APOL5: variants seen among roughly 807,000 people sequenced by gnomAD.
The protein encoded by APOL5 is apolipoprotein L5, also known as apolipoprotein L, 5.
Under a neutral mutation model 35.5 loss-of-function variants are expected in APOL5, and 29 were observed. The observed-to-expected ratio is 0.82, with a 90% confidence interval of 0.61 to 1.11. APOL5 has a LOEUF of 1.11. Among genes scored for constraint, APOL5 ranks in the 50% most tolerant of loss-of-function variants. APOL5 has a pLI of 0.00. For synonymous variants in APOL5, 188 were observed against 200.2 expected (o/e 0.94, Z 0.51); for missense variants, 514 against 530.4 (o/e 0.97, Z 0.30).
the APOL5 span, among the ~76,000 whole-genome samples, chr22:35,712,323 G>A: frequency 1.3e-5 from 2 of 151,944 alleles, no homozygotes; most frequent in East Asian, 1.9e-4. Context: ...TTTATTTTTC[G>A]GTAAGAGTCG....
chr22:35,718,559 A>C (rs1217629851), intron 1 of APOL5, among the ~76,000 whole-genome samples: 2 of 144,336 alleles, frequency 1.4e-5, no homozygotes, highest in Non-Finnish European at 3.0e-5. Flanking sequence ...GCGCCATTGC[A>C]CTGCAGCCTG....
At chr22:35,713,029 T>C (rs2145991147), upstream of APOL5, among the ~76,000 whole-genome samples, 1 of 152,348 alleles carries the variant, frequency 6.6e-6, no homozygotes, top group South Asian at 2.1e-4. Context: ...TTAGTCTTAC[T>C]ATTTTGAACA....
the APOL5 span, among the ~76,000 whole-genome samples, chr22:35,709,490 G>T: frequency 6.6e-6 from 1 of 152,104 alleles, no homozygotes; most frequent in Admixed American, 6.6e-5. Context: ...ATACTTGGTC[G>T]CTCAAGAAAT....
At chr22:35,724,854 A>C (rs1927095288) in intron 2 of APOL5, among the ~76,000 whole-genome samples, 1 of 151,936 alleles carries the variant, frequency 6.6e-6, no homozygotes, top group Non-Finnish European at 1.5e-5. Flanking sequence ...CAGGTGACCC[A>C]CCCGCCTCGG....
intron 3 of APOL5, among the ~76,000 whole-genome samples, chr22:35,728,330 T>A (rs1001717539): frequency 1.9e-4 from 29 of 152,274 alleles, no homozygotes; most frequent in African/African-American, 7.0e-4. Context: ...TTCACGCCAT[T>A]CTCCTGCCTC....
At chr22:35,717,844 T>C, upstream of APOL5, 1 of 1,538,322 alleles carries the variant, frequency 6.5e-7, no homozygotes, top group Non-Finnish European at 8.8e-7. Context: ...AATCATATTA[T>C]AAGCTTAAAT....
chr22:35,726,585 G>A lies in APOL5; in HGVS notation c.517G>A (p.Gly173Arg). The change falls in exon 3 of 5, where the codon GGG becomes AGG. Residue 173 changes from glycine (G) to arginine (R), a missense_variant. Gly to Arg is a moderately radical substitution (Grantham distance 125). Around this residue, in one of 3 missense-constraint regions of APOL5, gnomAD observed 254 missense variants for 254.7 expected, o/e 1.00. Transcript: ENST00000249044. ...AGGCAGTCTCATGCTCTCAGCAACT[G>A]GGACAGGGTTGGGGGCAGCAGCTGC... Reference protein sequence around the residue: ...AGGSLMLSATGTGLGAAAAIT... With the variant: ...AGGSLMLSATRTGLGAAAAIT... 1 of 1,614,150 alleles carries A rather than the reference G, an allele frequency of 6.2e-7. No individual in the cohort carries two copies.
At chr22:35,721,544 T>TA (rs5845237) in intron 2 of APOL5, among the ~76,000 whole-genome samples, 99,691 of 148,852 alleles carry the variant, frequency 0.67, 33,582 homozygotes, top group African/African-American at 0.76. Context: ...GGGCTTCATT[T>TA]AAAAAAAAAA....
upstream of APOL5, among the ~76,000 whole-genome samples, chr22:35,716,213 G>A (rs1227226485): frequency 6.6e-6 from 1 of 152,158 alleles, no homozygotes; most frequent in Non-Finnish European, 1.5e-5. Flanking sequence ...TGTACAAGTG[G>A]GAGATTTTAT....
chr22:35,728,711 C>T lies in APOL5; in HGVS notation c.1127-12C>T, dbSNP rs778391053. 33 of 1,609,538 alleles carry T rather than the reference C, an allele frequency of 2.1e-5. No individual in the cohort carries two copies. The South Asian group carries it at 3.7e-4, about 18-fold the overall frequency. Reference sequence around the variant, plus strand: ...TTGGAAGTTGTAAGACACAGGGACTCATGTTCCACAGGGTCTCGCTCACCT... The same window carrying T: ...TTGGAAGTTGTAAGACACAGGGACTTATGTTCCACAGGGTCTCGCTCACCT... On this transcript the variant is annotated splice_polypyrimidine_tract_variant and intron_variant, in intron 3 of 4. Coordinates refer to ENST00000249044, the MANE Select transcript of APOL5 (RefSeq NM_030642.1).
rs1462324458 is a variant in APOL5, at chr22:35,728,881, G to A, written c.1285G>A (p.Gly429Arg). The A allele has an allele frequency of 1.9e-6, 3 of 1,604,686 alleles. No individual in the cohort carries two copies. In the African/African-American group the frequency reaches 4.0e-5, roughly 22 times the overall value. ...AGCAAGAAAGGGGAGACAGGCCCCGGGAAGACACCGACAATGAGAAGAGGT... is the reference window on the plus strand; with the variant it reads ...AGCAAGAAAGGGGAGACAGGCCCCGAGAAGACACCGACAATGAGAAGAGGT... ...APARKGRQAP[G>R]RHRQ is the part of the protein sequence containing the mutation. Residue 429 changes from glycine (G) to arginine (R), a missense_variant, in exon 4 of 5, where the codon GGA becomes AGA. Coordinates refer to ENST00000249044, the MANE Select transcript of APOL5 (RefSeq NM_030642.1).
At chr22:35,715,726 T>A (rs1328438217), upstream of APOL5, among the ~76,000 whole-genome samples, 1 of 152,244 alleles carries the variant, frequency 6.6e-6, no homozygotes, top group African/African-American at 2.4e-5. Context: ...CTAAGTGTTG[T>A]TCTGTATCTG....
Position 35,720,571 on chromosome 22 carries a change from TG to T in APOL5, c.62del (p.Gly21GlufsTer12), listed in dbSNP as rs368682678. 7 of 1,614,034 alleles carry T rather than the reference TG, an allele frequency of 4.3e-6. No homozygotes were observed. In the East Asian group the frequency reaches 8.9e-5, roughly 21 times the overall value. On this transcript the variant is annotated frameshift_variant, in exon 2 of 5. Transcript: ENST00000249044. LOFTEE classifies it high-confidence loss of function. Reference sequence around the variant, plus strand: ...CCTGATCCTTGTCCATCTCCAGGCTTGGGAGAAGGTTGTAAAGAAATGTGGC... The same window carrying T: ...CCTGATCCTTGTCCATCTCCAGGCTTGGAGAAGGTTGTAAAGAAATGTGGC... Reference protein sequence around the residue: ...QVPGSKVLPGLGEGCKEMWLR... With the variant: ...QVPGSKVLPGXGEGCKEMWLR...
upstream of APOL5, among the ~76,000 whole-genome samples, chr22:35,717,104 G>A (rs147742197): frequency 5.7e-4 from 87 of 151,368 alleles, 1 homozygote; most frequent in East Asian, 0.011. Flanking sequence ...ATCCCAAGAA[G>A]GCCAGGTGCA....
chr22:35,712,742 G>T, the APOL5 span, among the ~76,000 whole-genome samples: 2 of 152,138 alleles, frequency 1.3e-5, no homozygotes, highest in Admixed American at 6.5e-5. Flanking sequence ...AAAAGCCAGG[G>T]CTGTGTTCTA....
chr22:35,726,300 CT>C lies in APOL5; in HGVS notation c.233del (p.Leu78ArgfsTer5). On this transcript the variant is annotated frameshift_variant, in exon 3 of 5. Coordinates refer to ENST00000249044, the MANE Select transcript of APOL5 (RefSeq NM_030642.1). LOFTEE classifies it high-confidence loss of function. ...TGAGGCTGGTATGCTGTCCTACTTT[CT>C]GTTTGAAGAGCTGATGCGATGTGAC... ...SDEAGMLSYF[L>X]FEELMRCDKD... 6.2e-7 allele frequency: 1 copy of C among 1,614,176 alleles called. No individual in the cohort carries two copies. The highest frequency in any genetic ancestry group is 8.5e-7 in the Non-Finnish European group (1 of 1,180,044).
chr22:35,711,194 A>AAC, the APOL5 span, among the ~76,000 whole-genome samples: 1 of 152,214 alleles, frequency 6.6e-6, no homozygotes, highest in African/African-American at 2.4e-5. Flanking sequence ...CAACAAAAAA[A>AAC]GCAAACAAAC....
At chr22:35,725,226 G>A (rs890378779) in intron 2 of APOL5, among the ~76,000 whole-genome samples, 21 of 152,010 alleles carry the variant, frequency 1.4e-4, no homozygotes, top group African/African-American at 4.8e-4. Context: ...TACTCAAGTC[G>A]GTTTCTCCAA....
upstream of APOL5, among the ~76,000 whole-genome samples, chr22:35,714,226 C>A (rs930410817): frequency 2.0e-5 from 3 of 152,140 alleles, no homozygotes; most frequent in Non-Finnish European, 2.9e-5. Flanking sequence ...GCAGGAGAAT[C>A]GCTTGAACCT....
Sources: gnomAD v4.1 joint callset for allele counts (sites outside exome capture counted in the v4.1 genomes callset) on GRCh38, gnomAD v4.1.1 for gene constraint, gnomAD v4.1.1 regional missense constraint, MANE v1.5 for transcripts, NCBI Gene and HGNC (gene_info 2026-07-23, HGNC 2026-07-21) for gene names.